Variants in KCNQ3 observed in about 807,000 individuals in gnomAD.
KCNQ3 encodes the protein potassium voltage-gated channel subfamily Q member 3.
Under a neutral mutation model 92.5 loss-of-function variants are expected in KCNQ3, and 30 were observed. That is an observed-to-expected ratio of 0.32 (90% CI 0.24 to 0.44). The LOEUF is 0.44. Ranked by LOEUF, KCNQ3 falls within the 20% of genes least tolerant of loss-of-function variation. KCNQ3 has a pLI of 1.00. For missense variants in KCNQ3, 913 were observed against 1,140.3 expected, an observed-to-expected ratio of 0.80 and a Z score of 2.87; for synonymous variants, 450 against 468.8, an observed-to-expected ratio of 0.96 and a Z score of 0.52.
intron 1 of KCNQ3, among the ~76,000 whole-genome samples, chr8:132,375,493 C>CTTT (rs1274573917): frequency 6.6e-6 from 1 of 152,146 alleles, no homozygotes; most frequent in Non-Finnish European, 1.5e-5. Context: ...GAGAATGCGA[C>CTTT]TGAAAAGGGC....
At chr8:132,464,183 A>T (rs72723105) in intron 1 of KCNQ3, among the ~76,000 whole-genome samples, 1,715 of 152,340 alleles carry the variant, frequency 0.011, 14 homozygotes, top group Non-Finnish European at 0.019. Context: ...ATACGCCCAT[A>T]AGACTGTATC....
At chr8:132,247,208 A>G (rs571492041) in intron 1 of KCNQ3, among the ~76,000 whole-genome samples, 1 of 152,276 alleles carries the variant, frequency 6.6e-6, no homozygotes, top group African/African-American at 2.4e-5. Context: ...GAACTCCAAC[A>G]AAATTCTGAC....
intron 1 of KCNQ3, among the ~76,000 whole-genome samples, chr8:132,261,589 G>T (rs1336321989): frequency 6.6e-6 from 1 of 152,218 alleles, no homozygotes; most frequent in African/African-American, 2.4e-5. Flanking sequence ...GGCAGAATGT[G>T]TGGGTGGCAA....
chr8:132,248,069 G>A (rs1051273061), intron 1 of KCNQ3, among the ~76,000 whole-genome samples: 13 of 152,072 alleles, frequency 8.5e-5, no homozygotes, highest in Non-Finnish European at 1.6e-4. Flanking sequence ...TTCAAACCCA[G>A]GTGTCTGGAT....
chr8:132,205,336 G>A (rs1813621941), intron 1 of KCNQ3, among the ~76,000 whole-genome samples: 1 of 152,228 alleles, frequency 6.6e-6, no homozygotes, highest in East Asian at 1.9e-4. Context: ...AGTCCATTCA[G>A]CTTTGTAAAC....
intron 1 of KCNQ3, among the ~76,000 whole-genome samples, chr8:132,242,624 A>C (rs906651736): frequency 6.6e-6 from 1 of 152,230 alleles, no homozygotes; most frequent in Non-Finnish European, 1.5e-5. Flanking sequence ...TCATAGATAC[A>C]CTAAAAATAT....
intron 1 of KCNQ3, among the ~76,000 whole-genome samples, chr8:132,337,705 T>C (rs1586938190): frequency 6.6e-6 from 1 of 152,106 alleles, no homozygotes; most frequent in Non-Finnish European, 1.5e-5. Context: ...GAAATCACCA[T>C]GCACACACCA....
rs1443175689 is a variant in KCNQ3 at position 132,480,783 on chromosome 8, G to A, written c.-251C>T. On this transcript the variant is annotated 5_prime_UTR_variant, in exon 1 of 15. Coordinates refer to ENST00000388996, the MANE Select transcript of KCNQ3 (RefSeq NM_004519.4). ...AGCCGCAGGACCCCGAGGGTCGCGG[G>A]CCGGGGGCTGCGGAGAAGCTGGGAG... is the stretch of plus-strand genomic sequence containing the variant. 3 of 188,580 alleles carry A rather than the reference G, an allele frequency of 1.6e-5. No homozygotes were observed. The highest frequency in any genetic ancestry group is 2.4e-5 in the African/African-American group (1 of 41,810). 11.7% of individuals were successfully genotyped at this position (188,580 alleles called of 1,614,324 possible).
intron 1 of KCNQ3, among the ~76,000 whole-genome samples, chr8:132,247,688 C>T (rs1815226331): frequency 6.6e-6 from 1 of 151,796 alleles, no homozygotes; most frequent in South Asian, 2.1e-4. Context: ...ATCCCAGCTA[C>T]TCGGGAGGCT....
chr8:132,311,617 C>T (rs1429197920), intron 1 of KCNQ3, among the ~76,000 whole-genome samples: 2 of 152,226 alleles, frequency 1.3e-5, no homozygotes, highest in African/African-American at 4.8e-5. Context: ...GAGAAATTTT[C>T]ATTGACTGTA....
rs533464737 is a variant in KCNQ3, at chr8:132,452,244, A to C, written c.386+27903T>G. 8.5e-5 allele frequency among the ~76,000 whole-genome samples: 13 copies of C among 152,212 alleles called. 1 individual carries two copies. In the South Asian group the frequency reaches 2.7e-3, roughly 32 times the overall value. ...ACTGTTTCCATCGAGCAATAGCTCC[A>C]CCTTCTCTGCTTCCTCCAGCCCCTG... On this transcript the variant is annotated intron_variant, in intron 1 of 14. Transcript: ENST00000388996.
intron 1 of KCNQ3, among the ~76,000 whole-genome samples, chr8:132,414,952 G>A (rs1343706155): frequency 6.6e-6 from 1 of 152,210 alleles, no homozygotes; most frequent in Non-Finnish European, 1.5e-5. Flanking sequence ...AGGGCTCCGA[G>A]CCCCAGACCA....
At chr8:132,221,873 C>T (rs566657986) in intron 1 of KCNQ3, among the ~76,000 whole-genome samples, 2 of 152,238 alleles carry the variant, frequency 1.3e-5, no homozygotes, top group East Asian at 1.9e-4. Context: ...ACGTAGAAAA[C>T]TGAAACTGGA....
intron 1 of KCNQ3, among the ~76,000 whole-genome samples, chr8:132,464,346 C>T (rs974715419): frequency 1.3e-5 from 2 of 152,154 alleles, no homozygotes; most frequent in African/African-American, 4.8e-5. Context: ...TCCATGTCTG[C>T]TTATCAGTGA....
chr8:132,379,105 A>G (rs1819680483), intron 1 of KCNQ3, among the ~76,000 whole-genome samples: 1 of 152,198 alleles, frequency 6.6e-6, no homozygotes, highest in African/African-American at 2.4e-5. Context: ...TGCAGCCCAA[A>G]GCATTCTAAC....
intron 1 of KCNQ3, among the ~76,000 whole-genome samples, chr8:132,207,204 A>AT (rs1354980678): frequency 6.6e-6 from 1 of 152,102 alleles, no homozygotes; most frequent in Admixed American, 6.6e-5. Context: ...ATCTGTATGG[A>AT]TTTTTGCTCC....
At chr8:132,297,447 T>C (rs1817074160) in intron 1 of KCNQ3, among the ~76,000 whole-genome samples, 1 of 152,126 alleles carries the variant, frequency 6.6e-6, no homozygotes, top group Non-Finnish European at 1.5e-5. Context: ...TCATGACCTA[T>C]TCTATTTAAA....
chr8:132,392,330 G>C (rs35146447), intron 1 of KCNQ3, among the ~76,000 whole-genome samples: 233 of 152,038 alleles, frequency 1.5e-3, no homozygotes, highest in South Asian at 3.1e-3. Context: ...TGCTATGCTG[G>C]CCCCCGAGCC....
intron 1 of KCNQ3, among the ~76,000 whole-genome samples, chr8:132,253,169 T>A (rs1034281989): frequency 6.6e-6 from 1 of 152,184 alleles, no homozygotes; most frequent in Non-Finnish European, 1.5e-5. Flanking sequence ...CAAGGGAGAT[T>A]TAAAACCCCA....
Sources: allele counts gnomAD v4.1 joint callset (sites outside exome capture counted in the v4.1 genomes callset), GRCh38; gene constraint gnomAD v4.1.1; transcripts MANE v1.5; gene names NCBI Gene and HGNC (gene_info 2026-07-23, HGNC 2026-07-21).